The following DOK5 variants were observed in gnomAD, a reference collection of about 807,000 sequenced individuals.
The protein encoded by DOK5 is docking protein 5.
In DOK5, 27 loss-of-function variants were observed where a neutral mutation model predicts 43.3. The observed-to-expected ratio is 0.62, with a 90% CI of 0.46 to 0.86. The LOEUF (loss-of-function observed/expected upper bound fraction) is 0.86, where lower values mean the gene tolerates loss of function less well. DOK5 is among the 40% of genes least tolerant of loss of function. The pLI is 0.00. For missense variants in DOK5, 373 were observed against 392.9 expected, an observed-to-expected ratio of 0.95 and a Z score of 0.43; for synonymous variants, 146 against 140.1, an observed-to-expected ratio of 1.04 and a Z score of -0.30.
At chr20:54,644,129 A>C (rs1161777358) in intron 7 of DOK5, among the ~76,000 whole-genome samples, 1 of 152,182 alleles carries the variant, frequency 6.6e-6, no homozygotes, top group Non-Finnish European at 1.5e-5. Flanking sequence ...GTTTTGGTGG[A>C]TGGGGCCCTG....
At chr20:54,520,815 A>T (rs1018626909) in intron 1 of DOK5, among the ~76,000 whole-genome samples, 1 of 135,802 alleles carries the variant, frequency 7.4e-6, no homozygotes, top group Non-Finnish European at 1.7e-5. Context: ...CAACAAAAAA[A>T]CCTACATGTC....
At chr20:54,626,726 ATTGT>A (rs1987142463) in intron 6 of DOK5, among the ~76,000 whole-genome samples, 4 of 152,172 alleles carry the variant, frequency 2.6e-5, no homozygotes, top group Admixed American at 2.6e-4. Flanking sequence ...TCGTGATGCA[ATTGT>A]TTATTTTACA....
intron 1 of DOK5, among the ~76,000 whole-genome samples, chr20:54,510,290 A>G (rs756551832): frequency 6.6e-5 from 10 of 152,214 alleles, no homozygotes; most frequent in Non-Finnish European, 1.3e-4. Context: ...ATCCTCAGTA[A>G]TTAAGAGTCA....
chr20:54,641,208 A>ATGT (rs1399923166), intron 6 of DOK5, among the ~76,000 whole-genome samples: 1 of 152,226 alleles, frequency 6.6e-6, no homozygotes, highest in African/African-American at 2.4e-5. Context: ...CATGGAATCT[A>ATGT]ATCCTGTGTG....
intron 1 of DOK5, among the ~76,000 whole-genome samples, chr20:54,495,600 G>A (rs964081433): frequency 6.6e-6 from 1 of 152,196 alleles, no homozygotes; most frequent in Non-Finnish European, 1.5e-5. Context: ...TAAAGATTTA[G>A]AAAGAAGTGG....
At position 54,493,957 on chromosome 20, in the gene DOK5, T is replaced by A. The variant is rs6023293; in HGVS notation, c.66+17945T>A. On this transcript the variant is annotated intron_variant, in intron 1 of 7. Coordinates refer to ENST00000262593, the MANE Select transcript of DOK5 (RefSeq NM_018431.5). ...AAGTCTCAAAATAAAAATTAAAAATTAAATATTTCTATAATTGTAGAGAAT... is the reference window on the plus strand; with the variant it reads ...AAGTCTCAAAATAAAAATTAAAAATAAAATATTTCTATAATTGTAGAGAAT... Among the ~76,000 whole-genome samples, 31 of 152,260 alleles carry A rather than the reference T, an allele frequency of 2.0e-4. 1 individual carries two copies. The highest frequency in any genetic ancestry group is 7.5e-4 in the African/African-American group (31 of 41,564).
chr20:54,618,491 C>G (rs1986884391), intron 6 of DOK5, among the ~76,000 whole-genome samples: 2 of 152,052 alleles, frequency 1.3e-5, no homozygotes, highest in South Asian at 4.1e-4. Context: ...TTATAGGCAC[C>G]TGCCAGCACG....
rs565447751 is a variant in DOK5, at chr20:54,498,026, T to C, written c.66+22014T>C. ...GTCGTAAGGGTACATACTCAGATAT[T>C]GTATTGTGTTGTCTTAAAAGACATC... On this transcript the variant is annotated intron_variant, in intron 1 of 7. Coordinates refer to ENST00000262593, the MANE Select transcript of DOK5 (RefSeq NM_018431.5). Among the ~76,000 whole-genome samples the C allele has an allele frequency of 7.9e-5, 12 of 152,324 alleles. No individual in the cohort carries two copies. In the South Asian group the frequency reaches 2.5e-3, roughly 32 times the overall value.
chr20:54,583,680 T>C (rs1039165300), intron 2 of DOK5, among the ~76,000 whole-genome samples: 3 of 152,178 alleles, frequency 2.0e-5, no homozygotes, highest in East Asian at 1.9e-4. Flanking sequence ...GCCTATTTAA[T>C]CTGATATAAG....
chr20:54,533,363 G>A (rs1181487042), intron 1 of DOK5, among the ~76,000 whole-genome samples: 1 of 152,138 alleles, frequency 6.6e-6, no homozygotes, highest in East Asian at 1.9e-4. Flanking sequence ...TTCACCTATA[G>A]TCCTGTGTCA....
intron 1 of DOK5, among the ~76,000 whole-genome samples, chr20:54,481,567 A>G (rs1477575959): frequency 2.0e-5 from 3 of 151,836 alleles, no homozygotes; most frequent in East Asian, 3.9e-4. Context: ...TTATCTTTGT[A>G]TTGCCTATGT....
At position 54,475,751 on chromosome 20, in the gene DOK5, C is replaced by T; in HGVS notation, c.-196C>T. ...GCGCTCCCCGAAAGTGGCTGCAAGC[C>T]GGCCGCCCACTGTCAGGGTTGGGGG... On this transcript the variant is annotated 5_prime_UTR_variant, in exon 1 of 8. Coordinates refer to ENST00000262593, the MANE Select transcript of DOK5 (RefSeq NM_018431.5). This position sits in a 1 kb window ranked among gnomAD's most constrained non-coding sequence, Gnocchi z 4.2. 1.0e-5 allele frequency: 7 copies of T among 685,834 alleles called. No homozygotes were observed. The highest frequency in any genetic ancestry group is 1.4e-5 in the Non-Finnish European group (6 of 419,882). The allele number at this position is 685,834 out of a possible 1,614,324, so 42.5% of individuals were successfully genotyped here.
intron 2 of DOK5, among the ~76,000 whole-genome samples, chr20:54,567,034 T>C (rs767081254): frequency 1.4e-4 from 21 of 152,078 alleles, no homozygotes; most frequent in South Asian, 2.1e-4. Flanking sequence ...TTTTTTACTA[T>C]TGAGTATTGG....
At chr20:54,476,243 G>C in intron 1 of DOK5, 1 of 976,434 alleles carries the variant, frequency 1.0e-6, no homozygotes, top group East Asian at 1.1e-4. Flanking sequence ...TGGTGGCCGC[G>C]TGTTGGGCTT....
chr20:54,579,037 T>A (rs973937256), intron 2 of DOK5, among the ~76,000 whole-genome samples: 8 of 152,208 alleles, frequency 5.3e-5, no homozygotes, highest in Non-Finnish European at 1.0e-4. Context: ...GGAAATTATA[T>A]GAAGAAAAGT....
chr20:54,516,557 C>T (rs1025385496), intron 1 of DOK5, among the ~76,000 whole-genome samples: 1 of 152,066 alleles, frequency 6.6e-6, no homozygotes, highest in African/African-American at 2.4e-5. Context: ...ACTGTGTGTT[C>T]CCCTTATAAC....
intron 1 of DOK5, among the ~76,000 whole-genome samples, chr20:54,526,758 C>A (rs1335560393): frequency 6.6e-6 from 1 of 152,070 alleles, no homozygotes; most frequent in African/African-American, 2.4e-5. Flanking sequence ...TGTCTGAACT[C>A]CCGGAGAAAA....
At chr20:54,595,326 C>T (rs1031890019) in intron 5 of DOK5, among the ~76,000 whole-genome samples, 6 of 151,614 alleles carry the variant, frequency 4.0e-5, no homozygotes, top group Middle Eastern at 3.4e-3. Context: ...GGTGACACAG[C>T]GAGACTCCAT....
intron 5 of DOK5, among the ~76,000 whole-genome samples, chr20:54,593,762 T>C (rs1223687519): frequency 6.6e-6 from 1 of 152,136 alleles, no homozygotes; most frequent in East Asian, 1.9e-4. Context: ...TCATCGATGA[T>C]AGACTGGATA....
Sources: allele counts gnomAD v4.1 joint callset (sites outside exome capture counted in the v4.1 genomes callset), GRCh38; gene constraint gnomAD v4.1.1; non-coding constraint Gnocchi (gnomAD v3.1); transcripts MANE v1.5; gene names NCBI Gene and HGNC (gene_info 2026-07-23, HGNC 2026-07-21).